Variants in PTPRD observed in about 807,000 individuals in gnomAD.
PTPRD encodes the protein receptor-type tyrosine-protein phosphatase delta.
PTPRD carries 34 observed loss-of-function variants against 214.5 expected under a neutral mutation model. The ratio of observed to expected loss-of-function variants is 0.16; its 90% CI spans 0.12 to 0.21. The LOEUF (loss-of-function observed/expected upper bound fraction) is 0.21. Among genes scored for constraint, PTPRD ranks in the 10% least tolerant of loss-of-function variants. PTPRD has a pLI of 1.00. For synonymous variants in PTPRD, 1,128 were observed against 845.7 expected (o/e 1.33, Z -5.79); for missense variants, 2,545 against 2,398.7 (o/e 1.06, Z -1.27).
chr9:10,304,252 G>T (rs1029816528), intron 3 of PTPRD, among the ~76,000 whole-genome samples: 1 of 152,092 alleles, frequency 6.6e-6, no homozygotes, highest in African/African-American at 2.4e-5. Flanking sequence ...AGGTACTGAC[G>T]GAATGTATCT....
intron 11 of PTPRD, among the ~76,000 whole-genome samples, chr9:8,947,525 G>T (rs894421324): frequency 2.0e-5 from 3 of 151,586 alleles, no homozygotes; most frequent in Non-Finnish European, 4.4e-5. Flanking sequence ...TGAGTGTTAG[G>T]TTTAGCCTTA....
At chr9:8,337,414 C>T (rs1168068397) in intron 43 of PTPRD, among the ~76,000 whole-genome samples, 1 of 151,922 alleles carries the variant, frequency 6.6e-6, no homozygotes, top group African/African-American at 2.4e-5. Context: ...AACACACGGA[C>T]ACACGGAGGG....
intron 2 of PTPRD, among the ~76,000 whole-genome samples, chr9:10,413,985 C>T (rs2154513175): frequency 6.6e-6 from 1 of 152,042 alleles, no homozygotes; most frequent in African/African-American, 2.4e-5. Context: ...AATGTAAAAT[C>T]CCAAACTATA....
intron 8 of PTPRD, among the ~76,000 whole-genome samples, chr9:9,406,699 G>A (rs1259928431): frequency 1.3e-5 from 2 of 151,800 alleles, no homozygotes; most frequent in African/African-American, 4.8e-5. Flanking sequence ...AGTGATGTGG[G>A]ATAAGAGAGA....
intron 11 of PTPRD, among the ~76,000 whole-genome samples, chr9:8,752,487 TC>T (rs1207777571): frequency 6.6e-6 from 1 of 152,204 alleles, no homozygotes; most frequent in African/African-American, 2.4e-5. Context: ...GGCTGCTCTG[TC>T]TATGGAGTTA....
In PTPRD at chr9:8,690,528, CA is replaced by C. The variant is rs60727792; in HGVS notation, c.64+43251del. The stretch of plus-strand genomic sequence containing the variant: ...TGGGCGACAGAGCAAGACTCCGTCT[CA>C]AAAAAAAAAAAAAAATTAGATTTAA... On this transcript the variant is annotated intron_variant, in intron 12 of 45. Transcript: ENST00000381196. Among the ~76,000 whole-genome samples, 298 of 126,818 alleles carry C rather than the reference CA, an allele frequency of 2.3e-3. 3 individuals are homozygous for C. Among genetic ancestry groups the C allele is most frequent in the African/African-American group, 4.3e-3 (160 of 37,422 alleles). 83.2% of individuals were successfully genotyped at this position (126,818 alleles called of 152,430 possible).
intron 5 of PTPRD, among the ~76,000 whole-genome samples, chr9:9,771,344 A>G (rs2098750283): frequency 6.6e-6 from 1 of 152,180 alleles, no homozygotes; most frequent in Non-Finnish European, 1.5e-5. Context: ...TAAAAAACAT[A>G]TTTCCAAACC....
intron 3 of PTPRD, among the ~76,000 whole-genome samples, chr9:10,125,021 GC>G (rs1277362841): frequency 6.6e-6 from 1 of 152,114 alleles, no homozygotes; most frequent in Non-Finnish European, 1.5e-5. Context: ...ATACATCAAA[GC>G]AATGACTGAA....
chr9:9,878,842 G>GGTAA, intron 5 of PTPRD, among the ~76,000 whole-genome samples: 1 of 152,178 alleles, frequency 6.6e-6, no homozygotes, highest in South Asian at 2.1e-4. Context: ...AAAAGATGAA[G>GGTAA]AGGAAGAACC....
chr9:10,337,047 C>G (rs2154440490), intron 3 of PTPRD, among the ~76,000 whole-genome samples: 1 of 151,816 alleles, frequency 6.6e-6, no homozygotes, highest in East Asian at 1.9e-4. Context: ...TCAGCAAATA[C>G]TGGCATCTAC....
At chr9:8,928,747 T>C (rs2098922762) in intron 11 of PTPRD, among the ~76,000 whole-genome samples, 1 of 152,174 alleles carries the variant, frequency 6.6e-6, no homozygotes, top group African/African-American at 2.4e-5. Flanking sequence ...GGTAGTTTCA[T>C]GGGGAAAGCA....
At chr9:8,929,323 G>T (rs1303212199) in intron 11 of PTPRD, among the ~76,000 whole-genome samples, 1 of 152,036 alleles carries the variant, frequency 6.6e-6, no homozygotes, top group Non-Finnish European at 1.5e-5. Flanking sequence ...TTGGCTGTGG[G>T]TTTGTCATGA....
intron 10 of PTPRD, among the ~76,000 whole-genome samples, chr9:9,158,888 G>A (rs1167815391): frequency 2.6e-5 from 4 of 152,074 alleles, no homozygotes; most frequent in Admixed American, 6.6e-5. Context: ...TCCTTGGGAC[G>A]CAAGTATGGT....
intron 11 of PTPRD, among the ~76,000 whole-genome samples, chr9:8,743,497 T>G (rs945897475): frequency 4.6e-5 from 7 of 152,210 alleles, no homozygotes; most frequent in Non-Finnish European, 4.4e-5. Flanking sequence ...CTGCTAGCAA[T>G]AGAGATCAAT....
intron 10 of PTPRD, among the ~76,000 whole-genome samples, chr9:9,072,069 G>A (rs965071596): frequency 2.0e-5 from 3 of 152,066 alleles, no homozygotes; most frequent in Non-Finnish European, 4.4e-5. Flanking sequence ...GCAGATGTTT[G>A]ATTTTGCAAA....
intron 8 of PTPRD, among the ~76,000 whole-genome samples, chr9:9,446,333 C>G (rs972496106): frequency 3.9e-4 from 59 of 152,134 alleles, no homozygotes; most frequent in African/African-American, 1.4e-3. Flanking sequence ...ACAGATAAAA[C>G]AAGGAAGAGA....
chr9:9,199,619 A>G (rs1215532503), intron 9 of PTPRD, among the ~76,000 whole-genome samples: 2 of 152,226 alleles, frequency 1.3e-5, no homozygotes, highest in Non-Finnish European at 2.9e-5. Context: ...AGATCACCAT[A>G]TTTGGAAAGA....
chr9:10,536,243 A>G (rs1397659062), intron 2 of PTPRD, among the ~76,000 whole-genome samples: 1 of 152,156 alleles, frequency 6.6e-6, no homozygotes, highest in Non-Finnish European at 1.5e-5. Context: ...AAGTATAAAT[A>G]TAAGTGTAAT....
At chr9:9,832,191 G>A (rs1309407139) in intron 5 of PTPRD, among the ~76,000 whole-genome samples, 5 of 152,072 alleles carry the variant, frequency 3.3e-5, no homozygotes, top group South Asian at 2.1e-4. Context: ...GAAAAACACC[G>A]TAGTTGAAAA....
Sources: allele counts gnomAD v4.1 joint callset (sites outside exome capture counted in the v4.1 genomes callset), GRCh38; gene constraint gnomAD v4.1.1; transcripts MANE v1.5; gene names NCBI Gene and HGNC (gene_info 2026-07-23, HGNC 2026-07-21).